Variants in MDN1 observed in about 807,000 individuals in gnomAD.
MDN1 encodes midasin AAA ATPase 1.
A neutral mutation model predicts 669.2 loss-of-function variants in MDN1; 266 were observed. The ratio of observed to expected loss-of-function variants is 0.40; its 90% confidence interval spans 0.36 to 0.44. The LOEUF is 0.44. MDN1 is among the 20% of genes least tolerant of loss of function. The pLI, the probability that MDN1 is intolerant of heterozygous loss-of-function variation, is 1.00. For missense variants in MDN1, 5,940 were observed against 6,754.0 expected (o/e 0.88, Z 4.22); for synonymous variants, 2,385 against 2,457.1 (o/e 0.97, Z 0.87).
chr6:89,745,169 G>T, intron 29 of MDN1, 104 bp downstream of exon 29: 2 of 1,153,592 alleles, frequency 1.7e-6, no homozygotes, highest in East Asian at 3.3e-5. Flanking sequence ...AGAGGAAGGA[G>T]GAAAGAAGGG....
In MDN1 at chr6:89,648,049, T is replaced by G; in HGVS notation, c.16378A>C (p.Lys5460Gln). 1 of 1,613,522 alleles carries G rather than the reference T, an allele frequency of 6.2e-7. No homozygotes were observed. Among genetic ancestry groups the G allele is most frequent in the Non-Finnish European group, 8.5e-7 (1 of 1,179,368 alleles). ...CCTCTTACCTGAGCAATCTTGGTTT[T>G]CTTTTGTTGGAATTTGCAGAGACGT... ...ILRLCKFQQK[K>Q]TKIAQFLESV... Residue 5460 changes from lysine (K) to glutamine (Q), a missense_variant, in exon 99 of 102, where the codon AAA (lysine) becomes CAA (glutamine). Physicochemically the swap from Lys to Gln is moderately conservative, Grantham distance 53. Around this residue, in one of 5 missense-constraint regions of MDN1, gnomAD observed 2,280 missense variants for 2,576.3 expected, o/e 0.88. Coordinates refer to ENST00000369393, the MANE Select transcript of MDN1 (RefSeq NM_014611.3).
Position 89,687,346 on chromosome 6 carries a change from C to T in MDN1, c.11448G>A (p.Leu3816=), listed in dbSNP as rs147057676. The T allele has an allele frequency of 1.9e-6, 3 of 1,613,568 alleles. No homozygotes were observed. Among genetic ancestry groups the T allele is most frequent in the Non-Finnish European group, 2.5e-6 (3 of 1,179,708 alleles). The stretch of plus-strand genomic sequence containing the variant: ...GAGAGGGAAGGAGAGTCACTTACTT[C>T]AGCTCCAGTTTACGCCACCGAATGA... ...QMIIRWRKLE[L]NCWSMSLDNT... is the part of the protein sequence containing the mutation. Residue 3816 remains leucine (L), a splice_region_variant and synonymous_variant, in exon 68 of 102, where the codon CTG becomes CTA. Coordinates refer to ENST00000369393, the MANE Select transcript of MDN1 (RefSeq NM_014611.3).
In MDN1 at chr6:89,680,794, A is replaced by T. The variant is rs1188587609; in HGVS notation, c.12103-43T>A. On this transcript the variant is annotated intron_variant, in intron 73 of 101. Coordinates refer to ENST00000369393, the MANE Select transcript of MDN1 (RefSeq NM_014611.3). ...GGTTAGCCTCACTGCCAAGAATGAC[A>T]GGCAGTGTCCCTGCAAGGGAACTAA... 1.9e-6 allele frequency: 3 copies of T among 1,595,858 alleles called. No individual in the cohort carries two copies. In the East Asian group the frequency reaches 6.7e-5, roughly 36 times the overall value.
intron 33 of MDN1, among the ~76,000 whole-genome samples, chr6:89,735,364 C>A: frequency 7.0e-6 from 1 of 143,578 alleles, no homozygotes. Flanking sequence ...ATCAATATCA[C>A]AGAACCTTTT....
intron 5 of MDN1, among the ~76,000 whole-genome samples, chr6:89,793,353 A>C (rs959840777): frequency 1.3e-5 from 2 of 152,194 alleles, no homozygotes; most frequent in Non-Finnish European, 2.9e-5. Flanking sequence ...AAACAAGAAG[A>C]TATACGGAAC....
intron 34 of MDN1, 34 bp from the exon 35 acceptor site, chr6:89,730,957 G>T: frequency 6.4e-7 from 1 of 1,573,898 alleles, no homozygotes. Flanking sequence ...TGAAGCAACA[G>T]TACAACACCA....
At position 89,749,746 on chromosome 6, in the gene MDN1, G is replaced by A. The variant is rs1562177758; in HGVS notation, c.3412C>T (p.Leu1138Phe). The change falls in exon 25 of 102, where the codon CTT becomes TTT. Residue 1138 changes from leucine (L) to phenylalanine (F), a missense_variant. Physicochemically the swap from Leu to Phe is conservative, Grantham distance 22. Coordinates refer to ENST00000369393, the MANE Select transcript of MDN1 (RefSeq NM_014611.3). ...SGKLVFKEGV[L>F]IDAMRKGYWI... ...TAGCCTTTTCTCATGGCATCAATAAGAACACCTAGGAAGAAACAAACAGCA... is the reference window on the plus strand; with the variant it reads ...TAGCCTTTTCTCATGGCATCAATAAAAACACCTAGGAAGAAACAAACAGCA... 1 of 1,603,510 alleles carries A rather than the reference G, an allele frequency of 6.2e-7. No homozygotes were observed. Among genetic ancestry groups the A allele is most frequent in the East Asian group, 2.2e-5 (1 of 44,800 alleles).
intron 44 of MDN1, 69 bp from the exon 45 acceptor site, chr6:89,715,838 C>G: frequency 1.0e-6 from 1 of 997,860 alleles, no homozygotes; most frequent in Non-Finnish European, 1.6e-6. Flanking sequence ...CTTCCATGCA[C>G]GGGGCTCCAA....
intron 33 of MDN1, among the ~76,000 whole-genome samples, chr6:89,735,817 C>G (rs184716106): frequency 2.0e-5 from 3 of 152,020 alleles, no homozygotes; most frequent in Admixed American, 1.3e-4. Flanking sequence ...GTCAAGAGAT[C>G]GAGACCATCC....
intron 43 of MDN1, 120 bp downstream of exon 43, chr6:89,718,246 A>G: frequency 8.6e-7 from 1 of 1,156,340 alleles, no homozygotes; most frequent in Non-Finnish European, 1.2e-6. Flanking sequence ...AAACTTTCCC[A>G]CAAGTTCTGA....
At chr6:89,662,722 A>G in intron 86 of MDN1, 70 bp downstream of exon 86, 1 of 1,492,252 alleles carries the variant, frequency 6.7e-7, no homozygotes, top group South Asian at 1.2e-5. Context: ...AGTAAATGAC[A>G]GAGAATGGTA....
chr6:89,665,539 T>G (rs1252427250), intron 84 of MDN1, among the ~76,000 whole-genome samples: 1 of 150,866 alleles, frequency 6.6e-6, no homozygotes, highest in Non-Finnish European at 1.5e-5. Flanking sequence ...AAACACCGTC[T>G]CTACTACATA....
At chr6:89,700,316 G>A (rs757853637) in intron 56 of MDN1, 22 bp from the exon 57 acceptor site, 1 of 1,569,720 alleles carries the variant, frequency 6.4e-7, no homozygotes, top group Non-Finnish European at 8.8e-7. Flanking sequence ...GACAAATGTT[G>A]TATGAGAGCA....
At chr6:89,655,598 A>G (rs998364471) in intron 92 of MDN1, among the ~76,000 whole-genome samples, 166 bp downstream of exon 92, 7 of 152,148 alleles carry the variant, frequency 4.6e-5, no homozygotes, top group East Asian at 1.9e-4. Flanking sequence ...AGTGTATACA[A>G]TCAGCTGCCA....
At chr6:89,657,282 T>C (rs893624416) in intron 90 of MDN1, among the ~76,000 whole-genome samples, 27 of 152,226 alleles carry the variant, frequency 1.8e-4, no homozygotes, top group Non-Finnish European at 2.9e-4. Context: ...TGAATATTTG[T>C]GGTGGTGGTA....
At chr6:89,689,018 A>T (rs1812206365) in intron 65 of MDN1, among the ~76,000 whole-genome samples, 4 of 152,064 alleles carry the variant, frequency 2.6e-5, no homozygotes, top group Admixed American at 1.3e-4. Flanking sequence ...AAAAATACAA[A>T]CATTAGCCAG....
rs1818077277 is a variant in MDN1 at position 89,771,552 on chromosome 6, C to G, written c.2144+9G>C. ...CAAAAATAAGAAAAAAATTTTAAGC[C>G]ACACTTACCCTCCAAGCAAGTCTGC... On this transcript the variant is annotated intron_variant, in intron 15 of 101. Coordinates refer to ENST00000369393, the MANE Select transcript of MDN1 (RefSeq NM_014611.3). 1 of 1,608,530 alleles carries G rather than the reference C, an allele frequency of 6.2e-7. No individual in the cohort carries two copies. Among genetic ancestry groups the G allele is most frequent in the Non-Finnish European group, 8.5e-7 (1 of 1,177,492 alleles).
intron 1 of MDN1, among the ~76,000 whole-genome samples, chr6:89,819,277 G>A (rs1276778279): frequency 1.3e-5 from 2 of 152,182 alleles, no homozygotes; most frequent in East Asian, 1.9e-4. Flanking sequence ...GAGGCGATGG[G>A]AAGGGTACTG....
At position 89,794,767 on chromosome 6, in the gene MDN1, C is replaced by T. The variant is rs754931953; in HGVS notation, c.364G>A (p.Val122Ile). 18 of 1,614,228 alleles carry T rather than the reference C, an allele frequency of 1.1e-5. No individual in the cohort carries two copies. In the East Asian group the frequency reaches 2.7e-4, roughly 24 times the overall value. Reference protein sequence around the residue: ...ALRYFKDTSPVFQRLFLESSD... With the variant: ...ALRYFKDTSPIFQRLFLESSD... ...CTCTCTAGGAAAAGTCTTTGAAAGA[C>T]TGGGGATGTGTCCTTGAAATATCTC... is the stretch of plus-strand genomic sequence containing the variant. Residue 122 changes from valine to isoleucine, a missense_variant, in exon 3 of 102, where the codon GTC (valine) becomes ATC (isoleucine). Val to Ile is a conservative substitution (Grantham distance 29, BLOSUM62 3). This residue lies in a region of MDN1 where 1,203 missense variants were observed against 1,268.9 expected (regional missense o/e 0.95). Transcript: ENST00000369393.
Sources: allele counts gnomAD v4.1 joint callset (sites outside exome capture counted in the v4.1 genomes callset), GRCh38; gene constraint gnomAD v4.1.1; regional missense constraint gnomAD v4.1.1; transcripts MANE v1.5; gene names NCBI Gene and HGNC (gene_info 2026-07-23, HGNC 2026-07-21).